KIAA0825: variants seen among roughly 807,000 people sequenced by gnomAD.
KIAA0825 encodes the protein KIAA0825.
A neutral mutation model predicts 147.6 loss-of-function variants in KIAA0825; 119 were observed. The ratio of observed to expected loss-of-function variants is 0.81; its 90% CI spans 0.69 to 0.94. The LOEUF (loss-of-function observed/expected upper bound fraction) is 0.94. Ranked by LOEUF, KIAA0825 falls within the 40% of genes least tolerant of loss-of-function variation. The probability of loss-of-function intolerance (pLI) is 0.00; values close to 1 mark genes in which losing one functional copy is unlikely to be tolerated. For missense variants in KIAA0825, 1,381 were observed against 1,472.7 expected (o/e 0.94, Z 1.02); for synonymous variants, 470 against 518.1 (o/e 0.91, Z 1.26).
intron 1 of KIAA0825, among the ~76,000 whole-genome samples, chr5:94,598,624 T>C (rs1267111868): frequency 6.6e-6 from 1 of 152,166 alleles, no homozygotes; most frequent in Non-Finnish European, 1.5e-5. Context: ...TTATCAACTA[T>C]TATGCACTGT....
Position 94,235,587 on chromosome 5 carries a change from G to A in KIAA0825, c.3711-81463C>T, listed in dbSNP as rs111886883. Among the ~76,000 whole-genome samples, 425 of 152,344 alleles carry A rather than the reference G, an allele frequency of 2.8e-3. 5 individuals are homozygous for A. The highest frequency in any genetic ancestry group is 0.01 in the Middle Eastern group (3 of 294). ...GATCAAGCTAAGATCACTGAAGAAG[G>A]TGGCTACACTAAACAACAAATTTTC... On this transcript the variant is annotated intron_variant, in intron 20 of 20. Transcript: ENST00000682413.
At chr5:94,550,374 A>C (rs1053748119) in intron 2 of KIAA0825, among the ~76,000 whole-genome samples, 2 of 152,138 alleles carry the variant, frequency 1.3e-5, no homozygotes, top group African/African-American at 4.8e-5. Flanking sequence ...TACTGTGTGA[A>C]CCTATAACCA....
chr5:94,266,439 A>T (rs917994753), intron 20 of KIAA0825, among the ~76,000 whole-genome samples: 5 of 152,218 alleles, frequency 3.3e-5, no homozygotes, highest in Non-Finnish European at 7.4e-5. Flanking sequence ...ATCATTTCAG[A>T]TTTTTGTAAT....
chr5:94,560,359 A>G (rs992569792), intron 2 of KIAA0825, among the ~76,000 whole-genome samples: 1 of 152,154 alleles, frequency 6.6e-6, no homozygotes. Context: ...TCCAAAATTT[A>G]ATTCAGAGTC....
intron 20 of KIAA0825, among the ~76,000 whole-genome samples, chr5:94,322,329 T>A (rs1780268544): frequency 6.6e-6 from 1 of 151,884 alleles, no homozygotes; most frequent in Admixed American, 6.6e-5. Flanking sequence ...CAGGGTTTTT[T>A]AGGTAAATAA....
chr5:94,313,627 T>G (rs1403697504), intron 20 of KIAA0825, among the ~76,000 whole-genome samples: 1 of 151,494 alleles, frequency 6.6e-6, no homozygotes, highest in Non-Finnish European at 1.5e-5. Context: ...CTTTTTTTTT[T>G]TTTGTATCTT....
At chr5:94,213,831 G>A (rs1461894288) in intron 20 of KIAA0825, among the ~76,000 whole-genome samples, 2 of 152,106 alleles carry the variant, frequency 1.3e-5, no homozygotes, top group Non-Finnish European at 2.9e-5. Flanking sequence ...TCTGCATGGA[G>A]TGCCCTTTCT....
Position 94,485,235 on chromosome 5 carries a change from C to T in KIAA0825, c.971-305G>A, listed in dbSNP as rs533016227. ...CTTACGCAATTCTGCTTTTTTTTTT[C>T]GGTCTGGCATAACTTAAATCTAATG... On this transcript the variant is annotated intron_variant, in intron 5 of 20. Coordinates refer to ENST00000682413, the MANE Select transcript of KIAA0825 (RefSeq NM_001145678.3). 1.9e-3 allele frequency among the ~76,000 whole-genome samples: 277 copies of T among 145,008 alleles called. 1 individual carries two copies. The highest frequency in any genetic ancestry group is 7.3e-3 in the African/African-American group (270 of 37,148).
intron 20 of KIAA0825, among the ~76,000 whole-genome samples, chr5:94,250,135 C>T (rs991955775): frequency 6.6e-6 from 1 of 152,050 alleles, no homozygotes. Context: ...TTAGCCAATC[C>T]AATACATCAG....
chr5:94,516,320 C>A (rs1170738799), intron 5 of KIAA0825, among the ~76,000 whole-genome samples: 1 of 152,106 alleles, frequency 6.6e-6, no homozygotes, highest in Non-Finnish European at 1.5e-5. Context: ...TAACATAGCA[C>A]AGCATAGCAC....
At chr5:94,261,133 T>A (rs553526768) in intron 20 of KIAA0825, among the ~76,000 whole-genome samples, 1 of 151,412 alleles carries the variant, frequency 6.6e-6, no homozygotes, top group South Asian at 2.1e-4. Flanking sequence ...GAGACCACCA[T>A]CTCTACAAAA....
intron 5 of KIAA0825, among the ~76,000 whole-genome samples, chr5:94,492,680 AT>A (rs1207351272): frequency 6.6e-6 from 1 of 152,164 alleles, no homozygotes; most frequent in Non-Finnish European, 1.5e-5. Context: ...CTTTTAACTT[AT>A]TTTAATTGGC....
Position 94,542,672 on chromosome 5 carries a change from T to C in KIAA0825, c.-1-5545A>G, listed in dbSNP as rs1393854570. ...AAATACAAAAATTAGCCGAGCATGA[T>C]GGTGGGTGCCTGTAATCCCAGCTAC... is the stretch of plus-strand genomic sequence containing the variant. On this transcript the variant is annotated intron_variant, in intron 2 of 20. Coordinates refer to ENST00000682413, the MANE Select transcript of KIAA0825 (RefSeq NM_001145678.3). Among the ~76,000 whole-genome samples the C allele has an allele frequency of 2.0e-5, 3 of 151,970 alleles. No homozygotes were observed. In the East Asian group the frequency reaches 5.8e-4, roughly 29 times the overall value.
At chr5:94,575,324 A>G (rs911864153) in intron 2 of KIAA0825, among the ~76,000 whole-genome samples, 1 of 152,002 alleles carries the variant, frequency 6.6e-6, no homozygotes, top group African/African-American at 2.4e-5. Flanking sequence ...GTAGATATGA[A>G]GGTGATGATA....
At chr5:94,614,733 T>G (rs964429736) in intron 1 of KIAA0825, among the ~76,000 whole-genome samples, 1 of 152,152 alleles carries the variant, frequency 6.6e-6, no homozygotes, top group Non-Finnish European at 1.5e-5. Context: ...TTCTTTGCAT[T>G]CCCATGTTTT....
intron 16 of KIAA0825, among the ~76,000 whole-genome samples, chr5:94,400,355 G>A (rs1244879869): frequency 6.6e-6 from 1 of 152,084 alleles, no homozygotes; most frequent in Non-Finnish European, 1.5e-5. Context: ...TACTTTTGTA[G>A]GTAACACTGG....
chr5:94,424,075 C>T (rs954258051), intron 14 of KIAA0825, among the ~76,000 whole-genome samples: 2 of 152,144 alleles, frequency 1.3e-5, no homozygotes, highest in South Asian at 2.1e-4. Context: ...AGCAAACAGG[C>T]CTTACTAAGT....
At chr5:94,496,232 G>A (rs1764338470) in intron 5 of KIAA0825, among the ~76,000 whole-genome samples, 1 of 152,062 alleles carries the variant, frequency 6.6e-6, no homozygotes, top group African/African-American at 2.4e-5. Flanking sequence ...ATCAAAAGGA[G>A]AATACTTCAT....
intron 20 of KIAA0825, among the ~76,000 whole-genome samples, chr5:94,365,654 T>G (rs1291380826): frequency 6.6e-6 from 1 of 152,228 alleles, no homozygotes; most frequent in Admixed American, 6.5e-5. Flanking sequence ...ACCTTCAAGC[T>G]GTCCTTGTTC....
Sources: allele counts gnomAD v4.1 joint callset (sites outside exome capture counted in the v4.1 genomes callset), GRCh38; gene constraint gnomAD v4.1.1; transcripts MANE v1.5; gene names NCBI Gene and HGNC (gene_info 2026-07-23, HGNC 2026-07-21).